The following CACNA2D4 variants were observed in gnomAD, a reference collection of about 807,000 sequenced individuals.
The protein encoded by CACNA2D4 is calcium voltage-gated channel auxiliary subunit alpha2delta 4.
A neutral mutation model predicts 163.8 loss-of-function variants in CACNA2D4; 157 were observed. That is an observed-to-expected ratio of 0.96 (90% CI 0.84 to 1.09). The LOEUF (loss-of-function observed/expected upper bound fraction) is 1.09. Among genes scored for constraint, CACNA2D4 ranks in the 50% least tolerant of loss-of-function variants. CACNA2D4 has a pLI of 0.00. For missense variants in CACNA2D4, 1,410 were observed against 1,479.9 expected, an observed-to-expected ratio of 0.95 and a Z score of 0.78; for synonymous variants, 598 against 586.9, an observed-to-expected ratio of 1.02 and a Z score of -0.27.
chr12:1,903,440 G>A (rs1866582867), intron 6 of CACNA2D4, among the ~76,000 whole-genome samples: 1 of 151,902 alleles, frequency 6.6e-6, no homozygotes, highest in Non-Finnish European at 1.5e-5. Context: ...TGCACAGAAT[G>A]GGAGAAAATA....
At chr12:1,794,952 T>A (rs548607665) in intron 37 of CACNA2D4, 1 of 448,358 alleles carries the variant, frequency 2.2e-6, no homozygotes, top group Non-Finnish European at 3.9e-6. Flanking sequence ...AGTCATCTAA[T>A]TAGCATACAA....
chr12:1,816,650 C>T (rs530384754), intron 26 of CACNA2D4, among the ~76,000 whole-genome samples: 3 of 152,388 alleles, frequency 2.0e-5, no homozygotes, highest in South Asian at 2.1e-4. Flanking sequence ...GACCCGCAGG[C>T]GGCTTATCAA....
chr12:1,886,940 G>A, intron 7 of CACNA2D4, 69 bp downstream of exon 7: 13 of 1,130,846 alleles, frequency 1.1e-5, no homozygotes, highest in Admixed American at 2.0e-5. Context: ...AGTGGAGGAG[G>A]ATGAGGCAAA....
At chr12:1,801,021 G>A (rs953096588) in intron 31 of CACNA2D4, 22 bp downstream of exon 31, 2 of 1,610,592 alleles carry the variant, frequency 1.2e-6, no homozygotes, top group South Asian at 2.2e-5. Flanking sequence ...GCTGGCAGAG[G>A]GAAGGGCTGG....
Position 1,841,391 on chromosome 12 carries a change from C to T in CACNA2D4, c.2471-572G>A, listed in dbSNP as rs183490225. ...TTGCTCCACTTCTGGGACTCTGCAG[C>T]AACTCAGGGCAAGTCCTGAGGCTCC... On this transcript the variant is annotated intron_variant, in intron 25 of 37. Coordinates refer to ENST00000382722, the MANE Select transcript of CACNA2D4 (RefSeq NM_172364.5). Among the ~76,000 whole-genome samples the T allele has an allele frequency of 1.1e-3, 174 of 152,336 alleles. 2 individuals are homozygous for T. The highest frequency in any genetic ancestry group is 1.6e-3 in the Non-Finnish European group (106 of 68,036).
At chr12:1,800,340 C>T (rs1863270162) in intron 32 of CACNA2D4, 46 bp downstream of exon 32, 3 of 1,601,744 alleles carry the variant, frequency 1.9e-6, no homozygotes, top group African/African-American at 2.7e-5. Context: ...TCCTAAGCCA[C>T]CCTCGCATGC....
intron 37 of CACNA2D4, 82 bp downstream of exon 37, chr12:1,795,217 C>G (rs775475280): frequency 1.3e-5 from 17 of 1,303,794 alleles, no homozygotes; most frequent in Non-Finnish European, 1.9e-5. Context: ...CCTATATGCT[C>G]CTGTCTGCAG....
chr12:1,793,582 C>G lies in CACNA2D4; in HGVS notation c.*73G>C, dbSNP rs549574707. 50 of 1,341,204 alleles carry G rather than the reference C, an allele frequency of 3.7e-5. No individual in the cohort carries two copies. Among genetic ancestry groups the G allele is most frequent in the Non-Finnish European group, 2.9e-5 (27 of 934,166 alleles). 83.1% of individuals were successfully genotyped at this position (1,341,204 alleles called of 1,614,324 possible). A position where few individuals can be genotyped will look rare whatever the true frequency, so the allele number is the denominator to read the frequency against. ...GACCCAACTGCAGTTAGCTGCATCC[C>G]ATGTCAGTGCTGACTTTTTGGGATG... On this transcript the variant is annotated 3_prime_UTR_variant, in exon 38 of 38. Transcript: ENST00000382722.
chr12:1,917,993 T>C lies in CACNA2D4; in HGVS notation c.227+254A>G, dbSNP rs776218094. ...GGAAGACAGCAGCCCTGATGATCAGTTCTTCCTAAAGCCATCCGGCTCCTG... is the reference window on the plus strand; with the variant it reads ...GGAAGACAGCAGCCCTGATGATCAGCTCTTCCTAAAGCCATCCGGCTCCTG... On this transcript the variant is annotated intron_variant, in intron 1 of 37. Coordinates refer to ENST00000382722, the MANE Select transcript of CACNA2D4 (RefSeq NM_172364.5). The surrounding 1 kb of genome is among the most constrained non-coding windows in gnomAD (Gnocchi z 4.3). 1.6e-5 allele frequency: 7 copies of C among 448,638 alleles called. No individual in the cohort carries two copies. Among genetic ancestry groups the C allele is most frequent in the Non-Finnish European group, 2.8e-5 (7 of 252,026 alleles). The allele number at this position is 448,638 out of a possible 1,614,324, so 27.8% of individuals were successfully genotyped here. A position where few individuals can be genotyped will look rare whatever the true frequency, so the allele number is the denominator to read the frequency against.
At position 1,844,415 on chromosome 12, in the gene CACNA2D4, C is replaced by G; in HGVS notation, c.2457G>C (p.Trp819Cys). Residue 819 changes from tryptophan (W) to cysteine (C), a missense_variant, in exon 25 of 38, where the codon TGG (tryptophan) becomes TGC (cysteine). Coordinates refer to ENST00000382722, the MANE Select transcript of CACNA2D4 (RefSeq NM_172364.5). The surrounding 1 kb of genome is among the most constrained non-coding windows in gnomAD (Gnocchi z 4.2). ...GCTGTGTGTTACCTGGTCCTTCTGC[C>G]CAGCGGAGGTTGAAGACGAAGCTGC... ...PAGSFVFNLRWAEGPESAGEP... is the reference protein window; with the variant it reads ...PAGSFVFNLRCAEGPESAGEP... The G allele has an allele frequency of 6.2e-7, 1 of 1,613,540 alleles. No homozygotes were observed. Among genetic ancestry groups the G allele is most frequent in the East Asian group, 2.2e-5 (1 of 44,864 alleles).
rs1319426718 is a variant in CACNA2D4, at chr12:1,878,442, C to G, written c.1645-53G>C. The G allele has an allele frequency of 1.9e-6, 3 of 1,559,238 alleles. No individual in the cohort carries two copies. The highest frequency in any genetic ancestry group is 1.2e-5 in the South Asian group (1 of 84,530). ...TAGGCCTGCTGTTTGTGCTGGGCAT[C>G]TGGAGTTGGGCAGGGGTTTGGGGGC... On this transcript the variant is annotated intron_variant, in intron 15 of 37. Transcript: ENST00000382722. This position sits in a 1 kb window ranked among gnomAD's most constrained non-coding sequence, Gnocchi z 4.6.
intron 4 of CACNA2D4, among the ~76,000 whole-genome samples, chr12:1,909,027 C>CT (rs1159675485): frequency 2.0e-5 from 3 of 152,186 alleles, no homozygotes; most frequent in Admixed American, 6.5e-5. Flanking sequence ...CTGCACCTGC[C>CT]TTTCCCTGCT....
intron 34 of CACNA2D4, chr12:1,797,798 G>C (rs1226803418): frequency 5.5e-6 from 3 of 547,054 alleles, no homozygotes; most frequent in African/African-American, 3.8e-5. Flanking sequence ...CCTCTGGGGA[G>C]CCTGGCCCTC....
intron 2 of CACNA2D4, 80 bp from the exon 3 acceptor site, chr12:1,913,219 C>G (rs1353751494): frequency 1.1e-6 from 1 of 942,524 alleles, no homozygotes; most frequent in East Asian, 2.5e-5. Context: ...TGGCCTCCAA[C>G]CTCTCCACAG....
intron 4 of CACNA2D4, 33 bp downstream of exon 4, chr12:1,909,873 C>T (rs774093305): frequency 1.9e-6 from 3 of 1,602,444 alleles, no homozygotes; most frequent in Non-Finnish European, 1.7e-6. Flanking sequence ...GCGATCCTGG[C>T]CCTCTGGCAC....
At chr12:1,868,764 A>G (rs979904409) in intron 18 of CACNA2D4, among the ~76,000 whole-genome samples, 5 of 152,170 alleles carry the variant, frequency 3.3e-5, no homozygotes, top group Admixed American at 3.3e-4. Flanking sequence ...CAGGTTCCAC[A>G]TCCCTGGATT....
chr12:1,847,071 C>G (rs1038592413), intron 23 of CACNA2D4, among the ~76,000 whole-genome samples: 4 of 152,240 alleles, frequency 2.6e-5, no homozygotes, highest in Admixed American at 2.6e-4. Context: ...ACGTACCAGG[C>G]ACCTCCTGGT....
Position 1,828,269 on chromosome 12 carries a change from G to A in CACNA2D4, c.2551+12470C>T. On this transcript the variant is annotated intron_variant, in intron 26 of 37. Coordinates refer to ENST00000382722, the MANE Select transcript of CACNA2D4 (RefSeq NM_172364.5). The surrounding 1 kb of genome is among the most constrained non-coding windows in gnomAD (Gnocchi z 4.2). Reference sequence around the variant, plus strand: ...GTGCGGGTTGGGTGGGGGTGCCGAGGTGACTGTAGGTAGCGCCATATGGGA... The same window carrying A: ...GTGCGGGTTGGGTGGGGGTGCCGAGATGACTGTAGGTAGCGCCATATGGGA... The A allele has an allele frequency of 1.4e-6, 2 of 1,452,174 alleles. No homozygotes were observed. The highest frequency in any genetic ancestry group is 1.9e-6 in the Non-Finnish European group (2 of 1,076,870). 90.0% of individuals were successfully genotyped at this position (1,452,174 alleles called of 1,614,324 possible). A position where few individuals can be genotyped will look rare whatever the true frequency, so the allele number is the denominator to read the frequency against.
At position 1,837,208 on chromosome 12, in the gene CACNA2D4, C is replaced by A. The variant is rs1173319578; in HGVS notation, c.2551+3531G>T. 3.9e-5 allele frequency among the ~76,000 whole-genome samples: 6 copies of A among 152,128 alleles called. No homozygotes were observed. The East Asian group carries it at 1.2e-3, about 29-fold the overall frequency. ...TCGTGTGGCGAGAAGGCACTGTTTG[C>A]CCAGAGGATGCTGCCGCACGGTGGG... On this transcript the variant is annotated intron_variant, in intron 26 of 37. Coordinates refer to ENST00000382722, the MANE Select transcript of CACNA2D4 (RefSeq NM_172364.5).
Sources: allele counts gnomAD v4.1 joint callset (sites outside exome capture counted in the v4.1 genomes callset), GRCh38; gene constraint gnomAD v4.1.1; non-coding constraint Gnocchi (gnomAD v3.1); transcripts MANE v1.5; gene names NCBI Gene and HGNC (gene_info 2026-07-23, HGNC 2026-07-21).